Variants in ZNF710 observed in about 807,000 individuals in gnomAD.
ZNF710 encodes zinc finger protein 710.
In ZNF710, 13 loss-of-function variants were observed where a neutral mutation model predicts 50.6. The ratio of observed to expected loss-of-function variants is 0.26; its 90% confidence interval spans 0.17 to 0.41. The LOEUF is 0.41. ZNF710 is among the 10% of genes least tolerant of loss of function. The pLI, the probability that ZNF710 is intolerant of heterozygous loss-of-function variation, is 1.00. For missense variants in ZNF710, 721 were observed against 936.6 expected, an observed-to-expected ratio of 0.77 and a Z score of 3.01; for synonymous variants, 383 against 397.0, an observed-to-expected ratio of 0.96 and a Z score of 0.42.
chr15:90,031,072 T>C (rs1021295413), intron 1 of ZNF710, among the ~76,000 whole-genome samples: 1 of 142,496 alleles, frequency 7.0e-6, no homozygotes, highest in Non-Finnish European at 1.5e-5. Flanking sequence ...AACAAATGGA[T>C]ACCAACAAAT....
At position 90,062,724 on chromosome 15, in the gene ZNF710, A is replaced by G. The variant is rs1900047602; in HGVS notation, c.-28-4386A>G. On this transcript the variant is annotated intron_variant, in intron 1 of 4. Transcript: ENST00000268154. The surrounding 1 kb of genome is among the most constrained non-coding windows in gnomAD (Gnocchi z 5.6). ...CCAGGAGGAGGGAGAACAGAGTGAT[A>G]CCGGGCCTCCCCACTCCTCATTTCC... Among the ~76,000 whole-genome samples the G allele has an allele frequency of 6.6e-6, 1 of 152,138 alleles. No homozygotes were observed. Among genetic ancestry groups the G allele is most frequent in the Admixed American group, 6.6e-5 (1 of 15,266 alleles).
In ZNF710 at chr15:90,079,755, G is replaced by A. The variant is rs780811099; in HGVS notation, c.1921G>A (p.Val641Met). The A allele has an allele frequency of 1.2e-5, 19 of 1,613,360 alleles. No homozygotes were observed. Among genetic ancestry groups the A allele is most frequent in the Middle Eastern group, 1.6e-4 (1 of 6,076 alleles). ...GGAGAACGCCTACAGCTATGCGAGC[G>A]TGGACAGCAGCGCCGAGGCCAGTGT... ...FEENAYSYAS[V>M]DSSAEASVLT... Residue 641 changes from valine (V) to methionine (M), a missense_variant, in exon 5 of 5, where the codon GTG (valine) becomes ATG (methionine). By Grantham distance (21) the Val-to-Met change is conservative. This residue lies in a region of ZNF710 where 69 missense variants were observed against 67.6 expected (regional missense o/e 1.02). Transcript: ENST00000268154.
At chr15:90,014,109 C>T (rs957309877) in intron 1 of ZNF710, among the ~76,000 whole-genome samples, 1 of 151,994 alleles carries the variant, frequency 6.6e-6, no homozygotes, top group Non-Finnish European at 1.5e-5. Flanking sequence ...AGCCCAAGCA[C>T]CCCCGGTCTT....
At chr15:90,035,960 G>A (rs8041188) in intron 1 of ZNF710, among the ~76,000 whole-genome samples, 47,138 of 152,018 alleles carry the variant, frequency 0.31, 8,872 homozygotes, top group East Asian at 0.74. Context: ...TGGAGTCAGC[G>A]TTTCCCAGCC....
intron 1 of ZNF710, chr15:90,045,519 A>C: frequency 1.7e-6 from 1 of 577,502 alleles, no homozygotes; most frequent in Non-Finnish European, 2.2e-6. Flanking sequence ...CCAAGGCCTG[A>C]GCCCAGGGGC....
chr15:90,028,832 G>A (rs906215963), intron 1 of ZNF710, among the ~76,000 whole-genome samples: 4 of 152,128 alleles, frequency 2.6e-5, no homozygotes, highest in Admixed American at 6.5e-5. Context: ...ATGGAAAATT[G>A]CTTGTGGCAT....
At chr15:90,028,599 A>C (rs1033448907) in intron 1 of ZNF710, among the ~76,000 whole-genome samples, 2 of 152,350 alleles carry the variant, frequency 1.3e-5, no homozygotes, top group African/African-American at 4.8e-5. Flanking sequence ...CAGTTGACAC[A>C]GTGTCATTAT....
At chr15:90,044,727 T>G (rs1233648888) in intron 1 of ZNF710, among the ~76,000 whole-genome samples, 1 of 152,222 alleles carries the variant, frequency 6.6e-6, no homozygotes, top group Non-Finnish European at 1.5e-5. Flanking sequence ...AGCCGACATA[T>G]GCTTGTCAAT....
chr15:90,063,931 C>T (rs1900089106), intron 1 of ZNF710, among the ~76,000 whole-genome samples: 1 of 152,192 alleles, frequency 6.6e-6, no homozygotes, highest in Non-Finnish European at 1.5e-5. Context: ...TCAGGAGCCT[C>T]TTCCCCCCCA....
intron 1 of ZNF710, among the ~76,000 whole-genome samples, chr15:90,041,140 T>G (rs1418986742): frequency 1.3e-5 from 2 of 151,756 alleles, no homozygotes; most frequent in African/African-American, 4.9e-5. Context: ...TCAATTCTGT[T>G]TTTTTTTTCT....
At chr15:90,071,780 G>A (rs1349248164) in intron 2 of ZNF710, among the ~76,000 whole-genome samples, 1 of 150,286 alleles carries the variant, frequency 6.7e-6, no homozygotes, top group Non-Finnish European at 1.5e-5. Context: ...CTGGGTTTAA[G>A]CAATTCTACT....
upstream of ZNF710, among the ~76,000 whole-genome samples, chr15:90,001,216 G>A (rs1257773250): frequency 1.3e-5 from 2 of 152,134 alleles, no homozygotes; most frequent in Admixed American, 6.5e-5. Context: ...AATCCTCTGC[G>A]GTAGAAAGAG....
rs398028304 is a variant in ZNF710 at position 90,034,428 on chromosome 15, CTGTGTGTGTG to C, written c.-28-32644_-28-32635del. On this transcript the variant is annotated intron_variant, in intron 1 of 4. Transcript: ENST00000268154. This position sits in a 1 kb window ranked among gnomAD's most constrained non-coding sequence, Gnocchi z 4.0. ...AGCTGTCCTTCCTGTTTCCAAATTC[CTGTGTGTGTG>C]TGTGTGTGTGTGTGTGTGTGTGTGT... Among the ~76,000 whole-genome samples the C allele has an allele frequency of 0.04, 5,508 of 136,258 alleles. 380 individuals carry two copies. The highest frequency in any genetic ancestry group is 0.13 in the African/African-American group (5,074 of 37,772). The allele number at this position is 136,258 out of a possible 152,430, so 89.4% of individuals were successfully genotyped here.
At chr15:90,041,701 A>C (rs188471672) in intron 1 of ZNF710, among the ~76,000 whole-genome samples, 25 of 152,222 alleles carry the variant, frequency 1.6e-4, no homozygotes, top group Admixed American at 1.3e-3. Flanking sequence ...TCACAACACC[A>C]TAAGTTCTTA....
chr15:90,004,066 A>G (rs1309788699), intron 1 of ZNF710, among the ~76,000 whole-genome samples: 1 of 152,060 alleles, frequency 6.6e-6, no homozygotes, highest in Non-Finnish European at 1.5e-5. Flanking sequence ...TCCTCAGCCC[A>G]CGGTGTGTGG....
At chr15:90,053,956 C>T (rs1234243415) in intron 1 of ZNF710, among the ~76,000 whole-genome samples, 1 of 152,142 alleles carries the variant, frequency 6.6e-6, no homozygotes, top group Non-Finnish European at 1.5e-5. Context: ...TTAGAGATGA[C>T]CCGAGAGAGA....
At chr15:90,049,022 T>C (rs1899555300) in intron 1 of ZNF710, among the ~76,000 whole-genome samples, 1 of 152,196 alleles carries the variant, frequency 6.6e-6, no homozygotes, top group Admixed American at 6.5e-5. Context: ...CCCCACTCCT[T>C]CATGGGATTT....
intron 1 of ZNF710, among the ~76,000 whole-genome samples, chr15:90,046,905 G>C (rs1321281826): frequency 6.6e-6 from 1 of 152,160 alleles, no homozygotes; most frequent in African/African-American, 2.4e-5. Context: ...AGGCACCATA[G>C]AGATTTGAGC....
intron 1 of ZNF710, among the ~76,000 whole-genome samples, chr15:90,008,344 GTA>G (rs200434627): frequency 8.9e-5 from 13 of 146,002 alleles, no homozygotes; most frequent in African/African-American, 2.3e-4. Flanking sequence ...TATACATGTA[GTA>G]TATATATATG....
Sources: allele counts gnomAD v4.1 joint callset (sites outside exome capture counted in the v4.1 genomes callset), GRCh38; gene constraint gnomAD v4.1.1; regional missense constraint gnomAD v4.1.1; non-coding constraint Gnocchi (gnomAD v3.1); transcripts MANE v1.5; gene names NCBI Gene and HGNC (gene_info 2026-07-23, HGNC 2026-07-21).